Variants in ARHGAP22 observed in about 807,000 individuals in gnomAD.
The protein encoded by ARHGAP22 is rho GTPase-activating protein 22.
ARHGAP22 carries 48 observed loss-of-function variants against 59.1 expected under a neutral mutation model. That is an observed-to-expected ratio of 0.81 (90% CI 0.64 to 1.03). The LOEUF is 1.03. ARHGAP22 is among the 50% of genes least tolerant of loss of function. The probability of loss-of-function intolerance (pLI) is 0.00; values close to 1 mark genes in which losing one functional copy is unlikely to be tolerated. For missense variants in ARHGAP22, 1,015 were observed against 958.7 expected (o/e 1.06, Z -0.78); for synonymous variants, 445 against 416.4 (o/e 1.07, Z -0.84).
chr10:48,577,810 T>G (rs913219667), intron 2 of ARHGAP22, among the ~76,000 whole-genome samples: 2,280 of 114,800 alleles, frequency 0.02, 140 homozygotes, highest in African/African-American at 0.078. Flanking sequence ...GGTTTTTTTT[T>G]TTTTTTTTTT....
chr10:48,447,617 C>T (rs1366619523), intron 9 of ARHGAP22, among the ~76,000 whole-genome samples: 1 of 152,324 alleles, frequency 6.6e-6, no homozygotes, highest in East Asian at 1.9e-4. Flanking sequence ...AGCCACCCAC[C>T]TCCCCACTGC....
exon 1 of ARHGAP22, chr10:48,652,387 A>G (rs1232775387): frequency 1.0e-6 from 1 of 952,568 alleles, no homozygotes; most frequent in Non-Finnish European, 1.6e-6. Flanking sequence ...CAGTAACAGG[A>G]GATCCACATC....
intron 1 of ARHGAP22, among the ~76,000 whole-genome samples, chr10:48,628,136 C>T (rs1469852209): frequency 1.3e-5 from 2 of 152,186 alleles, no homozygotes; most frequent in Non-Finnish European, 2.9e-5. Context: ...GTCTGACTGG[C>T]CACCCTCTGT....
At chr10:48,531,725 G>C (rs1480382205) in intron 3 of ARHGAP22, among the ~76,000 whole-genome samples, 2 of 152,016 alleles carry the variant, frequency 1.3e-5, no homozygotes, top group Admixed American at 1.3e-4. Flanking sequence ...GGTCACAACA[G>C]CTAATTAGTG....
At chr10:48,638,517 T>C (rs1565040444) in intron 1 of ARHGAP22, among the ~76,000 whole-genome samples, 2 of 152,138 alleles carry the variant, frequency 1.3e-5, no homozygotes, top group African/African-American at 4.8e-5. Context: ...GACACCTGAG[T>C]GCCTCCCCTG....
rs774859534 is a variant in ARHGAP22 at position 48,614,003 on chromosome 10, C to T, written c.53-30851G>A. On this transcript the variant is annotated intron_variant, in intron 1 of 9. Coordinates refer to the ARHGAP22 transcript ENST00000435790. ...CCCTTCTGTCTTCGCCTGGGGCTGA[C>T]ATAGCATGAAGGCCCTCACCAGATG... Among the ~76,000 whole-genome samples the T allele has an allele frequency of 2.0e-4, 30 of 152,272 alleles. 1 individual carries two copies. The highest frequency in any genetic ancestry group is 1.7e-3 in the Admixed American group (26 of 15,302).
chr10:48,636,166 A>G (rs1211615145), intron 1 of ARHGAP22, among the ~76,000 whole-genome samples: 1 of 152,202 alleles, frequency 6.6e-6, no homozygotes, highest in Non-Finnish European at 1.5e-5. Context: ...TTGGGGGTTA[A>G]GGGGTTAATG....
At chr10:48,492,160 G>T (rs1404804937) in intron 3 of ARHGAP22, among the ~76,000 whole-genome samples, 3 of 152,210 alleles carry the variant, frequency 2.0e-5, no homozygotes, top group Non-Finnish European at 4.4e-5. Flanking sequence ...TTTGTAAGCT[G>T]CTGGGACTTA....
chr10:48,594,890 TC>T (rs1206548495), intron 1 of ARHGAP22, among the ~76,000 whole-genome samples: 4 of 72,892 alleles, frequency 5.5e-5, no homozygotes, highest in Non-Finnish European at 8.9e-5. Context: ...CCCCTCCCCC[TC>T]CCCCCCAACT....
At chr10:48,526,203 C>G (rs551858892) in intron 3 of ARHGAP22, among the ~76,000 whole-genome samples, 1 of 151,946 alleles carries the variant, frequency 6.6e-6, no homozygotes, top group East Asian at 1.9e-4. Flanking sequence ...GCCCAAGGCA[C>G]GGAGCAGAAG....
chr10:48,625,871 T>C (rs1303145941), intron 1 of ARHGAP22, among the ~76,000 whole-genome samples: 1 of 152,170 alleles, frequency 6.6e-6, no homozygotes, highest in Non-Finnish European at 1.5e-5. Context: ...CCCAGGACCC[T>C]AGCAAAGGAG....
intron 8 of ARHGAP22, among the ~76,000 whole-genome samples, chr10:48,452,599 C>T (rs151152760): frequency 7.1e-4 from 108 of 152,340 alleles, no homozygotes; most frequent in African/African-American, 2.4e-3. Context: ...CTGAGCAGCA[C>T]GTCTCTCATG....
chr10:48,492,250 GAAAAATATTTTTTAAAACTTTTTTTTAA>G (rs945032679), intron 3 of ARHGAP22, among the ~76,000 whole-genome samples: 7 of 152,106 alleles, frequency 4.6e-5, no homozygotes, highest in Admixed American at 1.3e-4. Context: ...AAGGTTTATT[GAAAAATATTTTTTAAAACTTTTTTTTAA>G]AAAAATATTT....
In ARHGAP22 at chr10:48,631,122, T is replaced by A. The variant is rs530807436; in HGVS notation, c.52+21112A>T. Reference sequence around the variant, plus strand: ...AACTACCACATAATAGTTTTTTGAGTGTTCAATCAGCCTTCCATATCTGGA... The same window carrying A: ...AACTACCACATAATAGTTTTTTGAGAGTTCAATCAGCCTTCCATATCTGGA... On this transcript the variant is annotated intron_variant, in intron 1 of 9. Coordinates refer to the ARHGAP22 transcript ENST00000435790. 2.0e-5 allele frequency among the ~76,000 whole-genome samples: 3 copies of A among 152,332 alleles called. No homozygotes were observed. In the East Asian group the frequency reaches 5.8e-4, roughly 29 times the overall value.
rs2060596650 is a variant in ARHGAP22, at chr10:48,604,879, C to A, written c.-83G>T. ...TTTGCTCGTCCTCGCGCCTAGTCGC[C>A]CCTCATGTCCTGCTCGTTCGGGGCC... On this transcript the variant is annotated 5_prime_UTR_variant, in exon 1 of 10. Transcript: ENST00000249601. 1.9e-6 allele frequency: 3 copies of A among 1,605,810 alleles called. No homozygotes were observed. Among genetic ancestry groups the A allele is most frequent in the Middle Eastern group, 3.3e-4 (2 of 6,054 alleles).
chr10:48,474,891 C>T lies in ARHGAP22; in HGVS notation c.451+4745G>A, dbSNP rs1478988078. Among the ~76,000 whole-genome samples the T allele has an allele frequency of 2.0e-5, 3 of 152,142 alleles. No homozygotes were observed. In the East Asian group the frequency reaches 5.8e-4, roughly 29 times the overall value. Reference sequence around the variant, plus strand: ...TTTTTGTATCTATATCCATAAGAGACACTGGTGTTCCAGCAATAATTCTCT... The same window carrying T: ...TTTTTGTATCTATATCCATAAGAGATACTGGTGTTCCAGCAATAATTCTCT... On this transcript the variant is annotated intron_variant, in intron 4 of 9. Transcript: ENST00000249601.
intron 3 of ARHGAP22, among the ~76,000 whole-genome samples, chr10:48,503,052 T>G (rs1340028688): frequency 6.6e-6 from 1 of 152,224 alleles, no homozygotes; most frequent in Non-Finnish European, 1.5e-5. Context: ...CCCCCTCGTC[T>G]CCTGACCTTG....
the ARHGAP22 span, among the ~76,000 whole-genome samples, chr10:48,433,951 A>G: frequency 1.3e-5 from 2 of 152,168 alleles, no homozygotes; most frequent in African/African-American, 4.8e-5. Flanking sequence ...CATTATTCCA[A>G]TTTGGAATGA....
intron 1 of ARHGAP22, among the ~76,000 whole-genome samples, chr10:48,598,007 T>A (rs189231264): frequency 1.5e-3 from 229 of 152,308 alleles, no homozygotes; most frequent in African/African-American, 5.2e-3. Flanking sequence ...AAATCATTTA[T>A]CCCCTCCTTC....
Sources: gnomAD v4.1 joint callset for allele counts (sites outside exome capture counted in the v4.1 genomes callset) on GRCh38, gnomAD v4.1.1 for gene constraint, MANE v1.5 for transcripts, NCBI Gene and HGNC (gene_info 2026-07-23, HGNC 2026-07-21) for gene names.